The following DMD variants were observed in gnomAD, a reference collection of about 807,000 sequenced individuals.
DMD encodes the protein dystrophin.
In DMD, 63 loss-of-function variants were observed where a neutral mutation model predicts 330.1. The ratio of observed to expected loss-of-function variants is 0.19; its 90% CI spans 0.16 to 0.24. The LOEUF (loss-of-function observed/expected upper bound fraction) is 0.24, where lower values mean the gene tolerates loss of function less well. Among genes scored for constraint, DMD ranks in the 10% least tolerant of loss-of-function variants. The pLI is 1.00. For missense variants in DMD, 3,344 were observed against 2,684.1 expected (o/e 1.25, Z -5.43); for synonymous variants, 1,223 against 959.8 (o/e 1.27, Z -5.07).
chrX:33,260,978 T>C (rs140305908), intron 1 of DMD, among the ~76,000 whole-genome samples: 2,003 of 111,445 alleles, frequency 0.018, 20 homozygotes, highest in Middle Eastern at 0.055. Flanking sequence ...ACAGCAGTCC[T>C]AATTCTCAAG....
chrX:32,345,759 A>G (rs774423241), intron 39 of DMD, among the ~76,000 whole-genome samples, 184 bp downstream of exon 39: 2 of 111,128 alleles, frequency 1.8e-5, no homozygotes, highest in Non-Finnish European at 3.8e-5. Flanking sequence ...CATAACTTTT[A>G]AGCAACACAT....
At chrX:32,984,871 G>A (rs1354551411) in intron 2 of DMD, among the ~76,000 whole-genome samples, 4 of 111,043 alleles carry the variant, frequency 3.6e-5, no homozygotes, top group African/African-American at 1.3e-4. Context: ...TTAACTCCAT[G>A]GATAAAGAAA....
At chrX:33,237,247 T>C (rs1172507042) in intron 1 of DMD, among the ~76,000 whole-genome samples, 3 of 93,102 alleles carry the variant, frequency 3.2e-5, no homozygotes, top group Non-Finnish European at 6.3e-5. Flanking sequence ...TTTTTCTTTC[T>C]CTCTTTTTTT....
At chrX:32,378,750 T>A (rs2097913840) in intron 34 of DMD, among the ~76,000 whole-genome samples, 1 of 111,094 alleles carries the variant, frequency 9.0e-6, no homozygotes, top group Non-Finnish European at 1.9e-5. Context: ...GGCAACTACA[T>A]TTAATGTATT....
chrX:31,378,491 C>T (rs375499606), intron 60 of DMD, among the ~76,000 whole-genome samples: 2 of 111,411 alleles, frequency 1.8e-5, no homozygotes, highest in Admixed American at 9.5e-5. Flanking sequence ...ACTCCGGCAC[C>T]GGTCACGGAC....
At chrX:32,765,586 T>A (rs996813234) in intron 7 of DMD, among the ~76,000 whole-genome samples, 15 of 111,942 alleles carry the variant, frequency 1.3e-4, no homozygotes, top group African/African-American at 3.9e-4. Flanking sequence ...ATATAGGAGT[T>A]CTTGGCACAG....
chrX:33,224,551 T>A (rs1045866111), intron 1 of DMD, among the ~76,000 whole-genome samples: 3 of 111,509 alleles, frequency 2.7e-5, no homozygotes, highest in Admixed American at 9.6e-5. Flanking sequence ...ATATCAGTGG[T>A]TGCCAGGGGT....
intron 44 of DMD, among the ~76,000 whole-genome samples, chrX:32,191,678 T>C (rs1004580897): frequency 9.0e-5 from 10 of 111,643 alleles, no homozygotes; most frequent in Non-Finnish European, 1.3e-4. Context: ...TCAAGTGACA[T>C]ATAAAATGAC....
At chrX:32,168,288 A>G (rs959498181) in intron 44 of DMD, among the ~76,000 whole-genome samples, 9 of 111,351 alleles carry the variant, frequency 8.1e-5, no homozygotes, top group East Asian at 2.8e-4. Flanking sequence ...GTCCTCCCCA[A>G]TGCTAGACTA....
chrX:31,656,058 G>C (rs1057185072), intron 54 of DMD, among the ~76,000 whole-genome samples: 2 of 112,105 alleles, frequency 1.8e-5, no homozygotes, highest in Non-Finnish European at 3.8e-5. Context: ...TGGAATTATA[G>C]ATGGGTAGTC....
At chrX:32,558,467 T>C (rs2050576788) in intron 16 of DMD, among the ~76,000 whole-genome samples, 1 of 111,871 alleles carries the variant, frequency 8.9e-6, no homozygotes, top group African/African-American at 3.3e-5. Context: ...ATACAGATGC[T>C]GAGCATTTTG....
At chrX:32,411,301 T>G (rs774442982) in intron 30 of DMD, among the ~76,000 whole-genome samples, 103 of 110,633 alleles carry the variant, frequency 9.3e-4, no homozygotes, top group African/African-American at 3.0e-3. Context: ...TGGCTAATTT[T>G]TGTATTTTTA....
intron 61 of DMD, chrX:31,348,320 T>G: frequency 2.4e-6 from 1 of 417,529 alleles, no homozygotes. Flanking sequence ...TTTGAGAATA[T>G]AGTGCAGGAA....
intron 44 of DMD, among the ~76,000 whole-genome samples, chrX:32,204,537 C>T (rs2097055309): frequency 8.9e-6 from 1 of 112,045 alleles, no homozygotes; most frequent in African/African-American, 3.2e-5. Context: ...TACTTCCTTA[C>T]ACTCACCATA....
At chrX:31,212,871 T>G (rs1241214468) in intron 64 of DMD, among the ~76,000 whole-genome samples, 3 of 111,476 alleles carry the variant, frequency 2.7e-5, no homozygotes, top group African/African-American at 9.8e-5. Flanking sequence ...ATGACAACAG[T>G]AGGATAAAAC....
chrX:32,505,606 T>A (rs761727063), intron 18 of DMD, among the ~76,000 whole-genome samples: 2 of 111,679 alleles, frequency 1.8e-5, no homozygotes, highest in South Asian at 3.8e-4. Context: ...AGTTTGGAGG[T>A]TTCTTACAAA....
At chrX:33,126,428 C>T (rs2095465340) in intron 1 of DMD, among the ~76,000 whole-genome samples, 1 of 111,171 alleles carries the variant, frequency 9.0e-6, no homozygotes, top group South Asian at 3.8e-4. Context: ...GGTTGGGGCC[C>T]CACTTCAGAA....
intron 52 of DMD, among the ~76,000 whole-genome samples, chrX:31,685,440 A>G (rs1433033069): frequency 8.9e-6 from 1 of 111,985 alleles, no homozygotes; most frequent in Non-Finnish European, 1.9e-5. Flanking sequence ...ACATATAAAG[A>G]CTTCCCCTGC....
intron 75 of DMD, among the ~76,000 whole-genome samples, chrX:31,146,728 C>G (rs2036744910): frequency 9.0e-6 from 1 of 111,638 alleles, no homozygotes; most frequent in Non-Finnish European, 1.9e-5. Context: ...TGTGAGATCT[C>G]AAAACTGTAA....
Sources: gnomAD v4.1 joint callset for allele counts (sites outside exome capture counted in the v4.1 genomes callset) on GRCh38, gnomAD v4.1.1 for gene constraint, MANE v1.5 for transcripts, NCBI Gene and HGNC (gene_info 2026-07-23, HGNC 2026-07-21) for gene names.